The following FAM9B variants were observed in gnomAD, a reference collection of about 807,000 sequenced individuals.
The protein encoded by FAM9B is family with sequence similarity 9 member B.
In FAM9B, 18 loss-of-function variants were observed where a neutral mutation model predicts 16.6. That is an observed-to-expected ratio of 1.09 (90% confidence interval 0.75 to 1.61). The LOEUF is 1.61. Among genes scored for constraint, FAM9B ranks in the 40% most tolerant of loss-of-function variants. The probability of loss-of-function intolerance (pLI) is 0.00; values close to 1 mark genes in which losing one functional copy is unlikely to be tolerated. For synonymous variants in FAM9B, 43 were observed against 42.6 expected, an observed-to-expected ratio of 1.01 and a Z score of -0.03; for missense variants, 155 against 136.0, an observed-to-expected ratio of 1.14 and a Z score of -0.70.
rs1312246568 is a variant in FAM9B at position 9,030,166 on chromosome X, G to A, written c.281+95C>T. ...GTAAAATATGTTGTTCACTAGAGAC[G>A]CCAATATGTACAGGATAGTTTTTGA... On this transcript the variant is annotated intron_variant, in intron 5 of 8. Coordinates refer to ENST00000327220, the MANE Select transcript of FAM9B (RefSeq NM_205849.3). 3.5e-6 allele frequency: 4 copies of A among 1,152,825 alleles called. No individual in the cohort carries two copies. In the African/African-American group the frequency reaches 5.4e-5, roughly 16 times the overall value.
In FAM9B at chrX:9,033,975, G is replaced by A; in HGVS notation, c.-213C>T. The A allele has an allele frequency of 1.5e-6, 1 of 673,578 alleles. No individual in the cohort carries two copies. Among genetic ancestry groups the A allele is most frequent in the Non-Finnish European group, 1.8e-6 (1 of 565,513 alleles). 55.5% of individuals were successfully genotyped at this position (673,578 alleles called of 1,213,427 possible). The stretch of plus-strand genomic sequence containing the variant: ...GAATTGCTTGAACCCAGGAGGCGGA[G>A]GTTGCAGTGAGCCCAGATCACACCA... On this transcript the variant is annotated 5_prime_UTR_variant, in exon 1 of 9. Coordinates refer to ENST00000327220, the MANE Select transcript of FAM9B (RefSeq NM_205849.3).
rs201899161 is a variant in FAM9B at position 9,027,884 on chromosome X, C to T, written c.476G>A (p.Arg159His). ...AGAACAGACCTTTACGAATTGGTCA[C>T]GTAGCAGCTTCATCTCTTTCAGCCT... is the stretch of plus-strand genomic sequence containing the variant. ...RERLKEMKLL[R>H]DQFVKALEDF... The change falls in exon 7 of 9, where the codon CGT (arginine) becomes CAT (histidine). Residue 159 changes from arginine (R) to histidine (H), a missense_variant. By Grantham distance (29) the Arg-to-His change is conservative (BLOSUM62 0). Transcript: ENST00000327220. 2.5e-5 allele frequency: 30 copies of T among 1,207,689 alleles called. No homozygotes were observed. Among genetic ancestry groups the T allele is most frequent in the Admixed American group, 1.5e-4 (7 of 45,743 alleles).
At position 9,030,303 on chromosome X, in the gene FAM9B, T is replaced by A; in HGVS notation, c.239A>T (p.Lys80Met). 2.5e-6 allele frequency: 3 copies of A among 1,205,827 alleles called. No individual in the cohort carries two copies. In the South Asian group the frequency reaches 5.4e-5, roughly 22 times the overall value. Reference sequence around the variant, plus strand: ...TCTCAAAGCATGTTTACTTTTGTTCTTTGTTTTGCTGCAAGTTTTATCCAT... The same window carrying A: ...TCTCAAAGCATGTTTACTTTTGTTCATTGTTTTGCTGCAAGTTTTATCCAT... ...MKMDKTCSKT[K>M]NKSKHALRKK... The change falls in exon 5 of 9, where the codon AAG becomes ATG. Residue 80 changes from lysine (K) to methionine (M), a missense_variant. Physicochemically the swap from Lys to Met is moderately conservative, Grantham distance 95. Transcript: ENST00000327220.
chrX:9,032,000 C>T lies in FAM9B; in HGVS notation c.181+130G>A, dbSNP rs1308451536. The T allele has an allele frequency of 2.8e-5, 14 of 504,073 alleles. No individual in the cohort carries two copies. The Admixed American group carries it at 3.0e-4, about 11-fold the overall frequency. 41.5% of individuals were successfully genotyped at this position (504,073 alleles called of 1,213,427 possible). On this transcript the variant is annotated intron_variant, in intron 4 of 8. Coordinates refer to ENST00000327220, the MANE Select transcript of FAM9B (RefSeq NM_205849.3). ...TTTATCAAATAGATTACATTAAATA[C>T]GTACGTTAAATGCTACATATGAGAA...
intron 7 of FAM9B, among the ~76,000 whole-genome samples, chrX:9,026,485 C>T (rs775917617): frequency 8.2e-5 from 9 of 110,106 alleles, no homozygotes; most frequent in South Asian, 4.0e-4. Context: ...GCTGGGAAGA[C>T]GGAAGGGCTG....
Position 9,025,473 on chromosome X carries a change from G to A in FAM9B, c.*31+11C>T. 9.9e-7 allele frequency: 1 copy of A among 1,009,397 alleles called. No individual in the cohort carries two copies. Among genetic ancestry groups the A allele is most frequent in the Non-Finnish European group, 1.4e-6 (1 of 727,185 alleles). 83.2% of individuals were successfully genotyped at this position (1,009,397 alleles called of 1,213,427 possible). A position where few individuals can be genotyped will look rare whatever the true frequency, so the allele number is the denominator to read the frequency against. On this transcript the variant is annotated intron_variant, in intron 8 of 8. Transcript: ENST00000327220. ...ATCCTGAGTTTTTAATATTAAATAT[G>A]CACTACTTACAGTTCTGACATGATT...
At chrX:9,027,146 G>A (rs5978287) in intron 7 of FAM9B, among the ~76,000 whole-genome samples, 2,473 of 111,940 alleles carry the variant, frequency 0.022, 75 homozygotes, top group African/African-American at 0.075. Flanking sequence ...AATTCACAAC[G>A]TGTTAATAAT....
At chrX:9,030,565 A>G (rs778255311) in intron 4 of FAM9B, 1 of 297,356 alleles carries the variant, frequency 3.4e-6, no homozygotes, top group African/African-American at 2.7e-5. Flanking sequence ...TAACATTCGC[A>G]TTTCAATTCC....
intron 2 of FAM9B, 146 bp downstream of exon 2, chrX:9,032,813 G>A: frequency 1.1e-6 from 1 of 870,308 alleles, no homozygotes; most frequent in Non-Finnish European, 1.6e-6. Context: ...TTGAAAACCT[G>A]GCGCATCTTA....
At position 9,032,999 on chromosome X, in the gene FAM9B, C is replaced by T; in HGVS notation, c.-13G>A. ...CCCAGGCCGCCATAAATTGAGCCTCCAACTGGGCCTTGGCAGCCCTCCTGC... is the reference window on the plus strand; with the variant it reads ...CCCAGGCCGCCATAAATTGAGCCTCTAACTGGGCCTTGGCAGCCCTCCTGC... On this transcript the variant is annotated 5_prime_UTR_variant, in exon 2 of 9. Coordinates refer to ENST00000327220, the MANE Select transcript of FAM9B (RefSeq NM_205849.3). The T allele has an allele frequency of 2.5e-6, 3 of 1,211,993 alleles. No individual in the cohort carries two copies. The South Asian group carries it at 5.3e-5, about 21-fold the overall frequency.
Position 9,032,171 on chromosome X carries a change from A to C in FAM9B, c.150-10T>G. The C allele has an allele frequency of 8.3e-7, 1 of 1,203,500 alleles. No individual in the cohort carries two copies. On this transcript the variant is annotated splice_polypyrimidine_tract_variant and intron_variant, in intron 3 of 8. Coordinates refer to ENST00000327220, the MANE Select transcript of FAM9B (RefSeq NM_205849.3). ...CTTCTTGGTATTAGCCCTGTAAAAA[A>C]AGTTACATCAAAATTTTAACAAAAT...
intron 2 of FAM9B, 132 bp downstream of exon 2, chrX:9,032,827 C>T (rs1921125552): frequency 4.2e-6 from 4 of 951,324 alleles, no homozygotes; most frequent in South Asian, 2.4e-5. Flanking sequence ...CATCTTAGCA[C>T]GTGCACAATG....
rs189410736 is a variant in FAM9B at position 9,028,015 on chromosome X, C to T, written c.394-49G>A. The T allele has an allele frequency of 1.5e-3, 1,382 of 902,382 alleles. 2 individuals are homozygous for T. Among genetic ancestry groups the T allele is most frequent in the Non-Finnish European group, 1.9e-3 (1,175 of 620,779 alleles). 74.4% of individuals were successfully genotyped at this position (902,382 alleles called of 1,213,427 possible). ...GATAAAAATTGGGTAAATTTTAATA[C>T]TTACAAAACATAATTCTGCATTAGC... On this transcript the variant is annotated intron_variant, in intron 6 of 8. Transcript: ENST00000327220.
intron 4 of FAM9B, chrX:9,030,980 C>T (rs1245240383): frequency 1.8e-5 from 2 of 111,491 alleles, no homozygotes; most frequent in Non-Finnish European, 3.8e-5. Flanking sequence ...ACATTTGTAC[C>T]CATAGTGCTG....
chrX:9,026,286 G>A (rs1212812556), intron 7 of FAM9B, among the ~76,000 whole-genome samples: 1 of 111,766 alleles, frequency 8.9e-6, no homozygotes, highest in Non-Finnish European at 1.9e-5. Context: ...GTCAAAAAAA[G>A]ATTTTAAAAG....
chrX:9,032,543 T>G, intron 2 of FAM9B, 82 bp from the exon 3 acceptor site: 4 of 313,360 alleles, frequency 1.3e-5, no homozygotes, highest in Non-Finnish European at 2.1e-5. Context: ...GTACTAGTTG[T>G]AGACTTTTTT....
In FAM9B at chrX:9,030,297, T is replaced by C; in HGVS notation, c.245A>G (p.Lys82Arg). Residue 82 changes from lysine to arginine, a missense_variant, in exon 5 of 9, where the codon AAA becomes AGA. By Grantham distance (26) the Lys-to-Arg change is conservative. Transcript: ENST00000327220. ...MDKTCSKTKN[K>R]SKHALRKKQL... The stretch of plus-strand genomic sequence containing the variant: ...CTTTTTTCTCAAAGCATGTTTACTT[T>C]TGTTCTTTGTTTTGCTGCAAGTTTT... 1.0e-5 allele frequency: 12 copies of C among 1,204,623 alleles called. No individual in the cohort carries two copies. The highest frequency in any genetic ancestry group is 1.3e-5 in the Non-Finnish European group (12 of 891,999).
At position 9,032,129 on chromosome X, in the gene FAM9B, C is replaced by T. The variant is rs372384355; in HGVS notation, c.181+1G>A. The T allele has an allele frequency of 5.8e-6, 7 of 1,204,926 alleles. No individual in the cohort carries two copies. The highest frequency in any genetic ancestry group is 7.8e-6 in the Non-Finnish European group (7 of 892,382). On this transcript the variant is annotated splice_donor_variant, in intron 4 of 8. Coordinates refer to ENST00000327220, the MANE Select transcript of FAM9B (RefSeq NM_205849.3). LOFTEE classifies it high-confidence loss of function. The stretch of plus-strand genomic sequence containing the variant: ...AACTACAGATAACTCCTAAAACATA[C>T]CTGCAGTATCTTCTGGCTTCTTGGT...
At chrX:9,032,718 T>A (rs1921121337) in intron 2 of FAM9B, 2 of 533,753 alleles carry the variant, frequency 3.7e-6, no homozygotes, top group Non-Finnish European at 2.9e-6. Flanking sequence ...ACTGCACCCA[T>A]GGAGAAGAGC....
Sources: allele counts gnomAD v4.1 joint callset (sites outside exome capture counted in the v4.1 genomes callset), GRCh38; gene constraint gnomAD v4.1.1; transcripts MANE v1.5; gene names NCBI Gene and HGNC (gene_info 2026-07-23, HGNC 2026-07-21).